The following ATL1 variants were observed in gnomAD, a reference collection of about 807,000 sequenced individuals.
The protein encoded by ATL1 is atlastin-1.
A neutral mutation model predicts 75.5 loss-of-function variants in ATL1; 31 were observed. The observed-to-expected ratio is 0.41, with a 90% CI of 0.31 to 0.55. The LOEUF is 0.55. ATL1 is among the 20% of genes least tolerant of loss of function. The pLI, the probability that ATL1 is intolerant of heterozygous loss-of-function variation, is 0.27. For missense variants in ATL1, 405 were observed against 662.6 expected, an observed-to-expected ratio of 0.61 and a Z score of 4.27; for synonymous variants, 226 against 233.3, an observed-to-expected ratio of 0.97 and a Z score of 0.28.
intron 1 of ATL1, among the ~76,000 whole-genome samples, chr14:50,573,359 A>G (rs185806423): frequency 6.6e-6 from 1 of 152,342 alleles, no homozygotes; most frequent in Admixed American, 6.5e-5. Flanking sequence ...TGCACTGTCC[A>G]ATATGGTAGC....
At chr14:50,630,847 A>G (rs1195466381) in intron 13 of ATL1, 2 of 377,422 alleles carry the variant, frequency 5.3e-6, no homozygotes, top group Non-Finnish European at 1.0e-5. Flanking sequence ...AAGAAAAAAT[A>G]TAAGAGAATT....
intron 11 of ATL1, 46 bp downstream of exon 11, chr14:50,623,294 C>T (rs1174753618): frequency 6.8e-7 from 1 of 1,461,092 alleles, no homozygotes; most frequent in Non-Finnish European, 9.6e-7. Flanking sequence ...AAACCAGTAT[C>T]CTTCATGCAA....
chr14:50,554,643 A>T (rs2038743366), intron 1 of ATL1, among the ~76,000 whole-genome samples: 1 of 152,236 alleles, frequency 6.6e-6, no homozygotes, highest in Non-Finnish European at 1.5e-5. Context: ...GGTATCTGAG[A>T]ACTTATCAAG....
chr14:50,619,977 T>C (rs1260908842), intron 8 of ATL1, among the ~76,000 whole-genome samples: 1 of 152,090 alleles, frequency 6.6e-6, no homozygotes. Flanking sequence ...GAACTGGTTA[T>C]GGCTGGGCAC....
chr14:50,607,003 C>A (rs553118311), intron 6 of ATL1, among the ~76,000 whole-genome samples: 1 of 152,076 alleles, frequency 6.6e-6, no homozygotes, highest in East Asian at 1.9e-4. Context: ...ACTAATGACC[C>A]TATATAAAGA....
At chr14:50,590,306 C>T (rs1388104946) in intron 2 of ATL1, among the ~76,000 whole-genome samples, 12 of 152,194 alleles carry the variant, frequency 7.9e-5, no homozygotes, top group Non-Finnish European at 1.0e-4. Context: ...TCTGCTTCTT[C>T]ATAACTTTCC....
intron 1 of ATL1, among the ~76,000 whole-genome samples, chr14:50,563,023 A>G (rs1221944523): frequency 6.6e-6 from 1 of 152,222 alleles, no homozygotes; most frequent in East Asian, 1.9e-4. Flanking sequence ...CTAGTAGATG[A>G]TTGACCCAGG....
At chr14:50,573,076 G>C (rs2038968898) in intron 1 of ATL1, among the ~76,000 whole-genome samples, 1 of 151,998 alleles carries the variant, frequency 6.6e-6, no homozygotes, top group African/African-American at 2.4e-5. Context: ...AACAGCATGG[G>C]GGAACTATCC....
At chr14:50,615,886 C>T (rs1205588331) in intron 8 of ATL1, among the ~76,000 whole-genome samples, 1 of 152,222 alleles carries the variant, frequency 6.6e-6, no homozygotes, top group Non-Finnish European at 1.5e-5. Flanking sequence ...TGTTCCATTA[C>T]TGCAGTATAC....
intron 6 of ATL1, among the ~76,000 whole-genome samples, chr14:50,601,067 C>T (rs901087624): frequency 2.0e-5 from 3 of 151,966 alleles, no homozygotes; most frequent in Admixed American, 6.6e-5. Context: ...ATGATTGCAC[C>T]GCTGCACTCC....
chr14:50,557,899 C>T (rs1191606524), upstream of ATL1, among the ~76,000 whole-genome samples: 1 of 152,128 alleles, frequency 6.6e-6, no homozygotes, highest in Non-Finnish European at 1.5e-5. Flanking sequence ...GAACCTGAAA[C>T]ATTTTCTTTT....
chr14:50,545,825 G>A (rs374514102), intron 1 of ATL1, among the ~76,000 whole-genome samples: 13 of 152,256 alleles, frequency 8.5e-5, no homozygotes, highest in East Asian at 7.7e-4. Flanking sequence ...TTTCTAGGAC[G>A]CCAGCTGGTT....
intron 11 of ATL1, among the ~76,000 whole-genome samples, chr14:50,626,575 G>C (rs924916095): frequency 6.6e-6 from 1 of 152,218 alleles, no homozygotes. Context: ...TACTCCTAGC[G>C]AAGATGCTGT....
intron 13 of ATL1, among the ~76,000 whole-genome samples, chr14:50,631,450 A>AT (rs780438523): frequency 1.3e-5 from 2 of 152,160 alleles, no homozygotes; most frequent in Non-Finnish European, 2.9e-5. Context: ...CAGACAAGTC[A>AT]TTTGTAACTG....
chr14:50,597,504 G>A (rs1174816691), intron 6 of ATL1, among the ~76,000 whole-genome samples: 1 of 151,974 alleles, frequency 6.6e-6, no homozygotes, highest in African/African-American at 2.4e-5. Context: ...GGAGAAATGG[G>A]GATGTATCAG....
chr14:50,590,966 A>G lies in ATL1; in HGVS notation c.308A>G (p.Tyr103Cys), dbSNP rs1423255533. 2 of 1,613,844 alleles carry G rather than the reference A, an allele frequency of 1.2e-6. No homozygotes were observed. The highest frequency in any genetic ancestry group is 2.2e-5 in the East Asian group (1 of 44,862). The stretch of plus-strand genomic sequence containing the variant: ...GAATCAGTTGATTGGGTTGGAGACT[A>G]CAATGAACCATTGACTGGTTTTTCA... ...NQESVDWVGD[Y>C]NEPLTGFSWR... Residue 103 changes from tyrosine (Y) to cysteine (C), a missense_variant, in exon 3 of 14, where the codon TAC becomes TGC. Physicochemically the swap from Tyr to Cys is radical, Grantham distance 194. This residue lies in a region of ATL1 where 126 missense variants were observed against 172.0 expected (regional missense o/e 0.73). Coordinates refer to ENST00000358385, the MANE Select transcript of ATL1 (RefSeq NM_015915.5).
chr14:50,598,606 G>A (rs768846165), intron 6 of ATL1, among the ~76,000 whole-genome samples: 5 of 151,962 alleles, frequency 3.3e-5, no homozygotes, highest in Non-Finnish European at 7.4e-5. Flanking sequence ...CAGGTTATCT[G>A]CCCGCCTCGG....
At chr14:50,595,777 T>C (rs1245529901) in intron 6 of ATL1, 145 bp downstream of exon 6, 6 of 660,788 alleles carry the variant, frequency 9.1e-6, no homozygotes, top group Non-Finnish European at 1.3e-5. Flanking sequence ...TGATGCAATA[T>C]AGAATGAGAT....
At chr14:50,586,250 G>T (rs3759589) in intron 1 of ATL1, among the ~76,000 whole-genome samples, 41,093 of 152,094 alleles carry the variant, frequency 0.27, 6,410 homozygotes, top group South Asian at 0.4. Context: ...ACTCTGGGCT[G>T]CTGTAACAGA....
Sources: gnomAD v4.1 joint callset for allele counts (sites outside exome capture counted in the v4.1 genomes callset) on GRCh38, gnomAD v4.1.1 for gene constraint, gnomAD v4.1.1 regional missense constraint, MANE v1.5 for transcripts, NCBI Gene and HGNC (gene_info 2026-07-23, HGNC 2026-07-21) for gene names.